Variants in GPR137C observed in about 807,000 individuals in gnomAD.
GPR137C encodes G protein-coupled receptor 137C.
In GPR137C, 27 loss-of-function variants were observed where a neutral mutation model predicts 43.4. That is an observed-to-expected ratio of 0.62 (90% CI 0.46 to 0.86). The LOEUF (loss-of-function observed/expected upper bound fraction) is 0.86. Among genes scored for constraint, GPR137C ranks in the 40% least tolerant of loss-of-function variants. The probability of loss-of-function intolerance (pLI) is 0.00; values close to 1 mark genes in which losing one functional copy is unlikely to be tolerated. For synonymous variants in GPR137C, 285 were observed against 226.9 expected (o/e 1.26, Z -2.30); for missense variants, 522 against 534.6 (o/e 0.98, Z 0.23).
chr14:52,626,340 A>AG (rs2039227276), intron 3 of GPR137C, among the ~76,000 whole-genome samples: 1 of 152,196 alleles, frequency 6.6e-6, no homozygotes, highest in Non-Finnish European at 1.5e-5. Flanking sequence ...TGTTTATCCT[A>AG]GGAATGCAGC....
intron 1 of GPR137C, among the ~76,000 whole-genome samples, chr14:52,556,447 G>A (rs1362365364): frequency 1.4e-5 from 2 of 147,660 alleles, no homozygotes; most frequent in Non-Finnish European, 3.0e-5. Flanking sequence ...AGGGAAAGTA[G>A]CCCTTTCTTA....
intron 1 of GPR137C, among the ~76,000 whole-genome samples, chr14:52,570,930 C>T (rs1055002310): frequency 2.6e-5 from 4 of 152,088 alleles, no homozygotes; most frequent in African/African-American, 9.7e-5. Context: ...GACAGATTAA[C>T]GAAACAGAAA....
At chr14:52,607,691 A>G (rs894494446) in intron 3 of GPR137C, among the ~76,000 whole-genome samples, 2 of 152,108 alleles carry the variant, frequency 1.3e-5, no homozygotes, top group African/African-American at 4.8e-5. Flanking sequence ...CCTGGCCAAC[A>G]TGGCAAAACC....
chr14:52,553,119 C>A lies in GPR137C; in HGVS notation c.-29C>A. 1.7e-6 allele frequency: 2 copies of A among 1,146,192 alleles called. No homozygotes were observed. Among genetic ancestry groups the A allele is most frequent in the Non-Finnish European group, 2.1e-6 (2 of 930,910 alleles). The allele number at this position is 1,146,192 out of a possible 1,614,324, so 71.0% of individuals were successfully genotyped here. On this transcript the variant is annotated 5_prime_UTR_variant, in exon 1 of 7. Coordinates refer to ENST00000321662, the MANE Select transcript of GPR137C (RefSeq NM_001099652.2). Reference sequence around the variant, plus strand: ...TCCGAGTCCAGCCCCTTCCTTCCCGCGCTCGCTCGCCCGGCCCCCAGCCCC... The same window carrying A: ...TCCGAGTCCAGCCCCTTCCTTCCCGAGCTCGCTCGCCCGGCCCCCAGCCCC...
chr14:52,565,698 A>T (rs920185026), intron 1 of GPR137C, among the ~76,000 whole-genome samples: 1 of 152,180 alleles, frequency 6.6e-6, no homozygotes, highest in African/African-American at 2.4e-5. Flanking sequence ...CAAAATCAGA[A>T]TCTAACTTCA....
At chr14:52,583,972 A>G (rs894916810) in intron 1 of GPR137C, among the ~76,000 whole-genome samples, 4 of 151,996 alleles carry the variant, frequency 2.6e-5, no homozygotes, top group Non-Finnish European at 4.4e-5. Flanking sequence ...TCCCTTATAT[A>G]TATTCAGTTT....
intron 1 of GPR137C, among the ~76,000 whole-genome samples, chr14:52,567,686 G>T (rs1449731349): frequency 7.1e-6 from 1 of 141,694 alleles, no homozygotes; most frequent in African/African-American, 2.6e-5. Context: ...TTGAGACAGA[G>T]AATCGCCCTG....
At chr14:52,555,485 G>T (rs534952986) in intron 1 of GPR137C, among the ~76,000 whole-genome samples, 3 of 152,090 alleles carry the variant, frequency 2.0e-5, no homozygotes, top group Admixed American at 6.6e-5. Context: ...CACAAAGTGG[G>T]TAAACACTAT....
rs909190223 is a variant in GPR137C, at chr14:52,553,141, C to T, written c.-7C>T. 2.2e-5 allele frequency: 26 copies of T among 1,166,908 alleles called. No individual in the cohort carries two copies. Among genetic ancestry groups the T allele is most frequent in the African/African-American group, 3.2e-5 (2 of 61,626 alleles). The allele number at this position is 1,166,908 out of a possible 1,614,324, so 72.3% of individuals were successfully genotyped here. A position where few individuals can be genotyped will look rare whatever the true frequency, so the allele number is the denominator to read the frequency against. ...CCGCGCTCGCTCGCCCGGCCCCCAGCCCCCTCATGAGGGTGTCCGTGCCGG... is the reference window on the plus strand; with the variant it reads ...CCGCGCTCGCTCGCCCGGCCCCCAGTCCCCTCATGAGGGTGTCCGTGCCGG... On this transcript the variant is annotated 5_prime_UTR_variant, in exon 1 of 7. Transcript: ENST00000321662.
At chr14:52,564,884 G>A (rs528963971) in intron 1 of GPR137C, among the ~76,000 whole-genome samples, 33 of 151,846 alleles carry the variant, frequency 2.2e-4, no homozygotes, top group Non-Finnish European at 3.8e-4. Context: ...GCAGAATTTG[G>A]TCTACCCTTT....
intron 1 of GPR137C, among the ~76,000 whole-genome samples, chr14:52,593,643 G>A (rs1054789442): frequency 6.6e-6 from 1 of 152,134 alleles, no homozygotes; most frequent in Admixed American, 6.6e-5. Context: ...ATTCTCTGAT[G>A]GTAGTTTGTA....
At chr14:52,601,141 A>G (rs1284389224) in intron 3 of GPR137C, among the ~76,000 whole-genome samples, 1 of 152,126 alleles carries the variant, frequency 6.6e-6, no homozygotes, top group Non-Finnish European at 1.5e-5. Context: ...ATCACAGTTT[A>G]TGTGTGGCAT....
At position 52,633,615 on chromosome 14, in the gene GPR137C, T is replaced by C. The variant is rs1303794124; in HGVS notation, c.953T>C (p.Val318Ala). ...FLWEHVPAWS[V>A]VLFFRAQRLN... The stretch of plus-strand genomic sequence containing the variant: ...TGGGAACATGTGCCAGCATGGTCGG[T>C]GGTACTGTTTTTCCGGGCACAGAGA... The change falls in exon 5 of 7, where the codon GTG becomes GCG. Residue 318 changes from valine to alanine, a missense_variant. Val to Ala is a moderately conservative substitution (Grantham distance 64). Coordinates refer to ENST00000321662, the MANE Select transcript of GPR137C (RefSeq NM_001099652.2). 6.2e-7 allele frequency: 1 copy of C among 1,613,130 alleles called. No homozygotes were observed.
At chr14:52,569,427 T>G (rs2038429734) in intron 1 of GPR137C, among the ~76,000 whole-genome samples, 1 of 150,052 alleles carries the variant, frequency 6.7e-6, no homozygotes, top group African/African-American at 2.5e-5. Context: ...GGAACAAAAC[T>G]GGATGGAGAA....
At chr14:52,621,201 T>C (rs1253846244) in intron 3 of GPR137C, among the ~76,000 whole-genome samples, 1 of 151,664 alleles carries the variant, frequency 6.6e-6, no homozygotes, top group African/African-American at 2.4e-5. Context: ...GGGACATCAA[T>C]GTAAATGATG....
At chr14:52,607,901 T>C (rs1272747771) in intron 3 of GPR137C, among the ~76,000 whole-genome samples, 3 of 151,574 alleles carry the variant, frequency 2.0e-5, no homozygotes, top group African/African-American at 7.3e-5. Flanking sequence ...AAAGACAAGG[T>C]CTATTTTATC....
chr14:52,604,558 G>C (rs182298918), intron 3 of GPR137C, among the ~76,000 whole-genome samples: 1 of 151,810 alleles, frequency 6.6e-6, no homozygotes, highest in Non-Finnish European at 1.5e-5. Context: ...CGATTCTCCA[G>C]CCTCAGCCTC....
chr14:52,605,991 G>A (rs896181724), intron 3 of GPR137C, among the ~76,000 whole-genome samples: 8 of 152,138 alleles, frequency 5.3e-5, no homozygotes, highest in Admixed American at 5.2e-4. Flanking sequence ...AGAGATGTTG[G>A]CCTGTAGAGT....
intron 1 of GPR137C, among the ~76,000 whole-genome samples, chr14:52,571,249 C>T (rs1445163157): frequency 2.0e-5 from 3 of 152,102 alleles, no homozygotes; most frequent in African/African-American, 7.2e-5. Context: ...GGGTAAATAA[C>T]AAAATGAAGG....
Sources: allele counts gnomAD v4.1 joint callset (sites outside exome capture counted in the v4.1 genomes callset), GRCh38; gene constraint gnomAD v4.1.1; transcripts MANE v1.5; gene names NCBI Gene and HGNC (gene_info 2026-07-23, HGNC 2026-07-21).